KAZN: variants seen among roughly 807,000 people sequenced by gnomAD.
KAZN encodes kazrin.
KAZN carries 40 observed loss-of-function variants against 87.4 expected under a neutral mutation model. That is an observed-to-expected ratio of 0.46 (90% confidence interval 0.36 to 0.60). The LOEUF (loss-of-function observed/expected upper bound fraction) is 0.60. Among genes scored for constraint, KAZN ranks in the 20% least tolerant of loss-of-function variants. KAZN has a pLI of 0.00. For synonymous variants in KAZN, 466 were observed against 458.3 expected, an observed-to-expected ratio of 1.02 and a Z score of -0.22; for missense variants, 898 against 1,073.9, an observed-to-expected ratio of 0.84 and a Z score of 2.29.
At chr1:14,021,854 A>C (rs1640839807) in intron 1 of KAZN, among the ~76,000 whole-genome samples, 1 of 152,152 alleles carries the variant, frequency 6.6e-6, no homozygotes, top group Non-Finnish European at 1.5e-5. Context: ...TACAAATAGA[A>C]ATTCAAAAAG....
intron 1 of KAZN, among the ~76,000 whole-genome samples, chr1:14,910,785 G>C (rs1184774198): frequency 6.6e-6 from 1 of 152,172 alleles, no homozygotes; most frequent in Non-Finnish European, 1.5e-5. Flanking sequence ...AGAAATTGTG[G>C]TCCACCTTTT....
At chr1:13,921,324 G>A (rs7556188) in intron 1 of KAZN, among the ~76,000 whole-genome samples, 16,843 of 152,056 alleles carry the variant, frequency 0.11, 3,028 homozygotes, top group African/African-American at 0.38. Flanking sequence ...AAATATTTCC[G>A]GCTTTGCAGG....
intron 2 of KAZN, among the ~76,000 whole-genome samples, chr1:15,013,197 A>G (rs985924120): frequency 1.3e-5 from 2 of 152,194 alleles, no homozygotes; most frequent in Non-Finnish European, 2.9e-5. Flanking sequence ...CACTGTGGTC[A>G]CTTTCAGTGC....
intron 1 of KAZN, among the ~76,000 whole-genome samples, chr1:14,159,301 A>G (rs1404362559): frequency 6.6e-6 from 1 of 152,194 alleles, no homozygotes; most frequent in Non-Finnish European, 1.5e-5. Flanking sequence ...ACTGTAGCTG[A>G]TCTGGCACTT....
At chr1:14,136,211 C>A (rs1384157001) in intron 1 of KAZN, among the ~76,000 whole-genome samples, 1 of 152,034 alleles carries the variant, frequency 6.6e-6, no homozygotes, top group Non-Finnish European at 1.5e-5. Flanking sequence ...TGGAGGGAGG[C>A]AGGACTGCAG....
intron 1 of KAZN, among the ~76,000 whole-genome samples, chr1:14,869,605 C>T (rs1293682674): frequency 1.3e-5 from 2 of 152,180 alleles, no homozygotes; most frequent in Non-Finnish European, 2.9e-5. Flanking sequence ...TTGAAAGGGT[C>T]TTCTCCTCTG....
At chr1:15,082,658 A>T (rs1213217285) in intron 8 of KAZN, among the ~76,000 whole-genome samples, 2 of 152,110 alleles carry the variant, frequency 1.3e-5, no homozygotes, top group Non-Finnish European at 2.9e-5. Flanking sequence ...AGAATTTACA[A>T]GGCCTTTACC....
chr1:14,418,307 T>C lies in KAZN; in HGVS notation c.250-180676T>C, dbSNP rs984232306. ...CTATCTAACCTCTCTGAGTGTCCAT[T>C]TCCTCCCCAGGAAAGTCTCAAGCCA... On this transcript the variant is annotated intron_variant, in intron 2 of 16. Transcript: ENST00000636203. 3.9e-5 allele frequency among the ~76,000 whole-genome samples: 6 copies of C among 152,286 alleles called. No individual in the cohort carries two copies. In the East Asian group the frequency reaches 1.2e-3, roughly 29 times the overall value.
chr1:14,193,953 A>G (rs1646474890), intron 2 of KAZN, among the ~76,000 whole-genome samples: 1 of 152,070 alleles, frequency 6.6e-6, no homozygotes, highest in African/African-American at 2.4e-5. Context: ...ATCACGCATA[A>G]TTTGTTGATT....
chr1:14,910,419 C>T (rs941623158), intron 1 of KAZN, among the ~76,000 whole-genome samples: 1 of 152,190 alleles, frequency 6.6e-6, no homozygotes, highest in Non-Finnish European at 1.5e-5. Flanking sequence ...TTCTCACCCT[C>T]AACACTGCTG....
rs12024597 is a variant in KAZN at position 15,077,301 on chromosome 1, G to A, written c.1222+11548G>A. ...CTGACAGTCCCTGGTCTTCCCCTGCGTGTGGAGTCCCCGGGCCTGCCTGGC... is the reference window on the plus strand; with the variant it reads ...CTGACAGTCCCTGGTCTTCCCCTGCATGTGGAGTCCCCGGGCCTGCCTGGC... On this transcript the variant is annotated intron_variant, in intron 8 of 14. Coordinates refer to ENST00000376030, the MANE Select transcript of KAZN (RefSeq NM_201628.3). This position sits in a 1 kb window ranked among gnomAD's most constrained non-coding sequence, Gnocchi z 4.8. Among the ~76,000 whole-genome samples, 777 of 152,200 alleles carry A rather than the reference G, an allele frequency of 5.1e-3. 27 individuals are homozygous for A. In the East Asian group the frequency reaches 0.065, roughly 13 times the overall value.
At chr1:14,758,543 G>A (rs189846447) in intron 1 of KAZN, among the ~76,000 whole-genome samples, 1 of 152,078 alleles carries the variant, frequency 6.6e-6, no homozygotes, top group Admixed American at 6.6e-5. Context: ...TAACTCCTGG[G>A]CTTAAGCAAT....
intron 2 of KAZN, among the ~76,000 whole-genome samples, chr1:15,004,994 T>C (rs1358320074): frequency 2.0e-5 from 3 of 152,248 alleles, no homozygotes; most frequent in East Asian, 3.9e-4. Context: ...GAGCTGGTGA[T>C]ACAGAGGTAA....
chr1:14,037,476 C>T (rs1641609706), intron 1 of KAZN, among the ~76,000 whole-genome samples: 1 of 152,188 alleles, frequency 6.6e-6, no homozygotes, highest in Non-Finnish European at 1.5e-5. Flanking sequence ...TTGATTCTGT[C>T]TTACCTCCCT....
At chr1:14,765,911 C>T (rs1190757503) in intron 1 of KAZN, among the ~76,000 whole-genome samples, 1 of 152,142 alleles carries the variant, frequency 6.6e-6, no homozygotes, top group Admixed American at 6.5e-5. Context: ...ACCAGAAGCC[C>T]GTCTGTGCTG....
chr1:14,518,097 C>G (rs1411177688), intron 2 of KAZN, among the ~76,000 whole-genome samples: 9 of 151,246 alleles, frequency 6.0e-5, no homozygotes, highest in Admixed American at 5.9e-4. Flanking sequence ...CTTATTTGCT[C>G]TGGCCTTTCA....
chr1:14,234,533 C>A (rs1648211646), intron 2 of KAZN, among the ~76,000 whole-genome samples: 1 of 152,154 alleles, frequency 6.6e-6, no homozygotes, highest in East Asian at 1.9e-4. Flanking sequence ...TGCACATGTA[C>A]CCCAGAACTT....
chr1:14,332,643 T>C (rs754706884), intron 2 of KAZN, among the ~76,000 whole-genome samples: 2 of 151,900 alleles, frequency 1.3e-5, no homozygotes, highest in Non-Finnish European at 2.9e-5. Context: ...GCACCTCCTA[T>C]GGAACAATCA....
At chr1:14,135,622 T>A (rs1275760256) in intron 1 of KAZN, among the ~76,000 whole-genome samples, 2 of 152,220 alleles carry the variant, frequency 1.3e-5, no homozygotes, top group Non-Finnish European at 2.9e-5. Flanking sequence ...AAAGTTCTAG[T>A]TGGAAGCCGT....
Sources: allele counts gnomAD v4.1 joint callset (sites outside exome capture counted in the v4.1 genomes callset), GRCh38; gene constraint gnomAD v4.1.1; non-coding constraint Gnocchi (gnomAD v3.1); transcripts MANE v1.5; gene names NCBI Gene and HGNC (gene_info 2026-07-23, HGNC 2026-07-21).